The following TAF3 variants were observed in gnomAD, a reference collection of about 807,000 sequenced individuals.
The protein encoded by TAF3 is transcription initiation factor TFIID subunit 3.
A neutral mutation model predicts 80.6 loss-of-function variants in TAF3; 7 were observed. That is an observed-to-expected ratio of 0.09 (90% confidence interval 0.05 to 0.16). The LOEUF (loss-of-function observed/expected upper bound fraction) is 0.16. TAF3 is among the 10% of genes least tolerant of loss of function. The pLI, the probability that TAF3 is intolerant of heterozygous loss-of-function variation, is 1.00. For synonymous variants in TAF3, 444 were observed against 446.1 expected (o/e 1.00, Z 0.06); for missense variants, 921 against 1,140.2 (o/e 0.81, Z 2.77).
At chr10:7,891,438 C>T (rs1432573582) in intron 2 of TAF3, among the ~76,000 whole-genome samples, 1 of 152,130 alleles carries the variant, frequency 6.6e-6, no homozygotes, top group Non-Finnish European at 1.5e-5. Flanking sequence ...TTTTAAATGA[C>T]TATTTGTGTG....
intron 3 of TAF3, among the ~76,000 whole-genome samples, chr10:7,972,751 G>C (rs1012355591): frequency 1.3e-5 from 2 of 151,898 alleles, no homozygotes; most frequent in African/African-American, 4.8e-5. Context: ...TGATTCCTTT[G>C]TCCTGCCAAG....
chr10:7,876,710 A>T (rs1483638839), intron 2 of TAF3, among the ~76,000 whole-genome samples: 1 of 152,160 alleles, frequency 6.6e-6, no homozygotes, highest in Non-Finnish European at 1.5e-5. Flanking sequence ...AAGTTCTTTG[A>T]CTTAATTATC....
intron 4 of TAF3, among the ~76,000 whole-genome samples, chr10:7,993,847 C>T (rs1831857169): frequency 6.6e-6 from 1 of 151,032 alleles, no homozygotes; most frequent in African/African-American, 2.4e-5. Context: ...CTGAAATACA[C>T]CTCATACAGG....
intron 2 of TAF3, among the ~76,000 whole-genome samples, chr10:7,905,896 T>G (rs1442089814): frequency 6.6e-6 from 1 of 151,938 alleles, no homozygotes; most frequent in East Asian, 1.9e-4. Flanking sequence ...AAAAAAAAAT[T>G]TAGCAAAGAT....
chr10:7,845,916 T>C (rs1219382278), intron 2 of TAF3, among the ~76,000 whole-genome samples: 1 of 152,114 alleles, frequency 6.6e-6, no homozygotes, highest in African/African-American at 2.4e-5. Context: ...TTGAAAAAGT[T>C]TGATTTCTGA....
intron 2 of TAF3, among the ~76,000 whole-genome samples, chr10:7,954,319 T>C (rs1838113625): frequency 7.3e-6 from 1 of 136,954 alleles, no homozygotes; most frequent in Admixed American, 7.4e-5. Flanking sequence ...GTGCACTCCA[T>C]AGGCGAATGA....
intron 2 of TAF3, among the ~76,000 whole-genome samples, chr10:7,897,676 C>CTTTTTTTTT (rs1210378117): frequency 7.1e-6 from 1 of 140,592 alleles, no homozygotes. Flanking sequence ...TTCTTTCTTT[C>CTTTTTTTTT]TTTTTTTTTT....
chr10:8,006,179 TACAC>T (rs59502450), intron 4 of TAF3, among the ~76,000 whole-genome samples: 4,636 of 134,626 alleles, frequency 0.034, 60 homozygotes, highest in Middle Eastern at 0.051. Flanking sequence ...AAAAAAAAAA[TACAC>T]ACACACACAC....
intron 2 of TAF3, among the ~76,000 whole-genome samples, chr10:7,838,571 G>A (rs1342037040): frequency 2.0e-5 from 3 of 152,068 alleles, no homozygotes; most frequent in Non-Finnish European, 2.9e-5. Context: ...TTGTAGAGGT[G>A]GGATTTCACC....
intron 4 of TAF3, among the ~76,000 whole-genome samples, chr10:7,981,496 C>T (rs1831725120): frequency 6.6e-6 from 1 of 152,212 alleles, no homozygotes; most frequent in Non-Finnish European, 1.5e-5. Flanking sequence ...TTTGAGATGC[C>T]TTTCAGAGAA....
intron 2 of TAF3, among the ~76,000 whole-genome samples, chr10:7,946,727 C>CAAAAA (rs60415433): frequency 1.3e-5 from 2 of 150,554 alleles, no homozygotes; most frequent in East Asian, 3.9e-4. Flanking sequence ...TGGTCTCAAA[C>CAAAAA]GAAAAAAAAA....
At chr10:7,950,342 G>C (rs537057315) in intron 2 of TAF3, among the ~76,000 whole-genome samples, 9 of 152,204 alleles carry the variant, frequency 5.9e-5, no homozygotes, top group Non-Finnish European at 1.2e-4. Flanking sequence ...TGAAGACCCT[G>C]TGGAGGGAAA....
In TAF3 at chr10:8,015,396, G is replaced by T. The variant is rs1002051452; in HGVS notation, c.*645G>T. 3.9e-5 allele frequency: 6 copies of T among 152,118 alleles called. No homozygotes were observed. The highest frequency in any genetic ancestry group is 1.3e-4 in the Admixed American group (2 of 15,274). The allele number at this position is 152,118 out of a possible 1,614,324, so 9.4% of individuals were successfully genotyped here. ...TTTGTGCAAATTATTTTTGTTTAATGTATTTTATATCTTCGTTGCATTCTA... is the reference window on the plus strand; with the variant it reads ...TTTGTGCAAATTATTTTTGTTTAATTTATTTTATATCTTCGTTGCATTCTA... On this transcript the variant is annotated 3_prime_UTR_variant, in exon 7 of 7. Coordinates refer to ENST00000344293, the MANE Select transcript of TAF3 (RefSeq NM_031923.4).
chr10:7,964,912 G>A lies in TAF3; in HGVS notation c.1402G>A (p.Ala468Thr). 6.2e-7 allele frequency: 1 copy of A among 1,614,130 alleles called. No homozygotes were observed. The part of the protein sequence containing the change: ...SSSDNSWTMD[A>T]SIDEVVRKAK... ...TTCCGATAACTCATGGACAATGGAT[G>A]CCTCCATTGATGAGGTTGTACGTAA... The change falls in exon 3 of 7, where the codon GCC becomes ACC. Residue 468 changes from alanine (A) to threonine (T), a missense_variant. Physicochemically the swap from Ala to Thr is moderately conservative, Grantham distance 58. This residue lies in a region of TAF3 where 743 missense variants were observed against 821.0 expected (regional missense o/e 0.90). Transcript: ENST00000344293. The surrounding 1 kb of genome is among the most constrained non-coding windows in gnomAD (Gnocchi z 4.1).
At chr10:7,915,865 C>A (rs265937) in intron 2 of TAF3, among the ~76,000 whole-genome samples, 36,019 of 151,254 alleles carry the variant, frequency 0.24, 4,390 homozygotes, top group Non-Finnish European at 0.25. Context: ...TGTAATCCAG[C>A]TACTTGGGAG....
rs71515490 is a variant in TAF3 at position 7,823,634 on chromosome 10, C to CTTT, written c.167-670_167-668dup. Among the ~76,000 whole-genome samples the CTTT allele has an allele frequency of 7.8e-3, 1,065 of 135,894 alleles. 23 individuals carry two copies. Among genetic ancestry groups the CTTT allele is most frequent in the African/African-American group, 0.027 (991 of 36,568 alleles). The allele number at this position is 135,894 out of a possible 152,430, so 89.2% of individuals were successfully genotyped here. A position where few individuals can be genotyped will look rare whatever the true frequency, so the allele number is the denominator to read the frequency against. On this transcript the variant is annotated intron_variant, in intron 1 of 6. Coordinates refer to ENST00000344293, the MANE Select transcript of TAF3 (RefSeq NM_031923.4). ...CTGGGCAACAAGCAAGATGCCATCT[C>CTTT]TTTTTTTTTTTTTTTTCTGAGATGG...
intron 2 of TAF3, among the ~76,000 whole-genome samples, chr10:7,827,210 C>T (rs760001601): frequency 6.6e-6 from 1 of 152,138 alleles, no homozygotes; most frequent in Non-Finnish European, 1.5e-5. Flanking sequence ...CATGACTCAG[C>T]GAGTCACTGA....
At chr10:7,894,187 T>C (rs1438571022) in intron 2 of TAF3, among the ~76,000 whole-genome samples, 2 of 152,200 alleles carry the variant, frequency 1.3e-5, no homozygotes, top group East Asian at 3.8e-4. Context: ...CTCTCTGTAT[T>C]TGACTTAGGA....
At chr10:7,867,927 T>C (rs1014983388) in intron 2 of TAF3, among the ~76,000 whole-genome samples, 23 of 152,238 alleles carry the variant, frequency 1.5e-4, no homozygotes, top group Non-Finnish European at 8.8e-5. Context: ...CTATGTACTG[T>C]ATTCTTACAA....
Sources: gnomAD v4.1 joint callset for allele counts (sites outside exome capture counted in the v4.1 genomes callset) on GRCh38, gnomAD v4.1.1 for gene constraint, gnomAD v4.1.1 regional missense constraint, Gnocchi (gnomAD v3.1) non-coding constraint, MANE v1.5 for transcripts, NCBI Gene and HGNC (gene_info 2026-07-23, HGNC 2026-07-21) for gene names.